The following CCDC178 variants were observed in gnomAD, a reference collection of about 807,000 sequenced individuals.
CCDC178 encodes coiled-coil domain-containing protein 178.
Under a neutral mutation model 117.4 loss-of-function variants are expected in CCDC178, and 126 were observed. That is an observed-to-expected ratio of 1.07 (90% CI 0.93 to 1.24). CCDC178 has a LOEUF of 1.24. CCDC178 is among the 50% of genes most tolerant of loss of function. The probability of loss-of-function intolerance (pLI) is 0.00; values close to 1 mark genes in which losing one functional copy is unlikely to be tolerated. For missense variants in CCDC178, 1,030 were observed against 986.9 expected (o/e 1.04, Z -0.59); for synonymous variants, 283 against 313.4 (o/e 0.90, Z 1.02).
chr18:33,364,424 A>T (rs796922053), intron 6 of CCDC178, among the ~76,000 whole-genome samples: 18 of 152,218 alleles, frequency 1.2e-4, no homozygotes, highest in African/African-American at 4.3e-4. Flanking sequence ...TCAGATGCTA[A>T]GTGGAATGGA....
At chr18:33,017,218 TA>T (rs1259379636) in intron 21 of CCDC178, among the ~76,000 whole-genome samples, 6 of 151,526 alleles carry the variant, frequency 4.0e-5, no homozygotes, top group Admixed American at 1.3e-4. Flanking sequence ...AAAAAATCAG[TA>T]AAAAAATATT....
intron 20 of CCDC178, among the ~76,000 whole-genome samples, chr18:33,187,978 A>C (rs1163858052): frequency 6.6e-6 from 1 of 152,140 alleles, no homozygotes; most frequent in Non-Finnish European, 1.5e-5. Context: ...GCTTTGCAAA[A>C]TACAATGGGG....
At position 33,131,432 on chromosome 18, in the gene CCDC178, T is replaced by A. The variant is rs1316847000; in HGVS notation, c.2239-38522A>T. Among the ~76,000 whole-genome samples the A allele has an allele frequency of 2.6e-5, 4 of 151,614 alleles. No homozygotes were observed. The East Asian group carries it at 7.7e-4, about 29-fold the overall frequency. On this transcript the variant is annotated intron_variant, in intron 20 of 22. Transcript: ENST00000383096. ...AACAGAACTATGAAAGTAACAAAAT[T>A]CAGAACAATAAAAGTGACAATTTCA...
intron 8 of CCDC178, among the ~76,000 whole-genome samples, chr18:33,347,434 G>C (rs900505719): frequency 2.0e-5 from 3 of 152,114 alleles, no homozygotes; most frequent in African/African-American, 7.2e-5. Flanking sequence ...AATCCAGCAT[G>C]CTGCCTCAGA....
At chr18:33,313,285 A>G (rs2062367701) in intron 11 of CCDC178, among the ~76,000 whole-genome samples, 1 of 152,234 alleles carries the variant, frequency 6.6e-6, no homozygotes, top group Non-Finnish European at 1.5e-5. Flanking sequence ...AAACCAGCCC[A>G]GGTGGAAGCA....
chr18:32,939,185 T>C (rs1189950879), intron 22 of CCDC178, among the ~76,000 whole-genome samples: 1 of 152,168 alleles, frequency 6.6e-6, no homozygotes, highest in Non-Finnish European at 1.5e-5. Flanking sequence ...AATAGTCTTA[T>C]GAAAACTAAG....
chr18:32,945,635 G>A (rs2054329365), intron 22 of CCDC178, among the ~76,000 whole-genome samples: 1 of 152,172 alleles, frequency 6.6e-6, no homozygotes, highest in East Asian at 1.9e-4. Flanking sequence ...ACATATTGAA[G>A]CACTTAAGAG....
chr18:33,084,798 G>A (rs954966952), intron 21 of CCDC178, among the ~76,000 whole-genome samples: 14 of 149,094 alleles, frequency 9.4e-5, no homozygotes, highest in African/African-American at 2.8e-4. Flanking sequence ...GCAACAGTGC[G>A]AGGCCCCGTC....
chr18:33,404,729 T>C (rs192521350), intron 3 of CCDC178, among the ~76,000 whole-genome samples: 53 of 152,216 alleles, frequency 3.5e-4, no homozygotes, highest in African/African-American at 1.3e-3. Context: ...TACTGATGAA[T>C]GTATAAACAA....
chr18:33,420,149 G>A lies in CCDC178; in HGVS notation c.-22-8039C>T, dbSNP rs150109215. On this transcript the variant is annotated intron_variant, in intron 2 of 22. Coordinates refer to ENST00000383096, the MANE Select transcript of CCDC178 (RefSeq NM_001105528.4). ...GAGATCATGTCCTTTGCAGCCACAT[G>A]GATGGAGCTGGAGACTGTTAAATCT... Among the ~76,000 whole-genome samples the A allele has an allele frequency of 1.9e-3, 283 of 152,164 alleles. 2 individuals carry two copies. Among genetic ancestry groups the A allele is most frequent in the African/African-American group, 6.6e-3 (275 of 41,514 alleles).
At chr18:33,044,340 A>G (rs2056604086) in intron 21 of CCDC178, among the ~76,000 whole-genome samples, 1 of 152,094 alleles carries the variant, frequency 6.6e-6, no homozygotes, top group African/African-American at 2.4e-5. Flanking sequence ...CTACAGCTTC[A>G]ATGCAATCTT....
At chr18:33,197,763 G>T (rs1281641422) in intron 20 of CCDC178, among the ~76,000 whole-genome samples, 1 of 152,132 alleles carries the variant, frequency 6.6e-6, no homozygotes, top group Non-Finnish European at 1.5e-5. Flanking sequence ...ATAATGCAGA[G>T]ATTTGAATCA....
At chr18:32,978,032 C>T (rs191850625) in intron 21 of CCDC178, among the ~76,000 whole-genome samples, 3 of 151,994 alleles carry the variant, frequency 2.0e-5, no homozygotes, top group Non-Finnish European at 4.4e-5. Flanking sequence ...AGCCACAAGT[C>T]AAATGAGGAG....
intron 2 of CCDC178, among the ~76,000 whole-genome samples, chr18:33,424,778 T>C (rs1053817104): frequency 6.6e-6 from 1 of 152,102 alleles, no homozygotes; most frequent in Non-Finnish European, 1.5e-5. Flanking sequence ...TAGGACAGTG[T>C]GAGAAAGCTG....
chr18:33,181,982 A>G (rs1271722672), intron 20 of CCDC178, among the ~76,000 whole-genome samples: 2 of 151,912 alleles, frequency 1.3e-5, no homozygotes, highest in Non-Finnish European at 2.9e-5. Flanking sequence ...TTATACCACA[A>G]TAAAAAATCC....
chr18:33,299,262 C>T (rs1420865733), intron 11 of CCDC178, among the ~76,000 whole-genome samples: 1 of 152,008 alleles, frequency 6.6e-6, no homozygotes, highest in East Asian at 1.9e-4. Context: ...ATACATAGAC[C>T]AACTAAACAA....
intron 21 of CCDC178, among the ~76,000 whole-genome samples, chr18:33,054,120 T>A (rs1336671683): frequency 6.6e-6 from 1 of 152,180 alleles, no homozygotes; most frequent in African/African-American, 2.4e-5. Context: ...TTTCCTATAA[T>A]TATTAATACT....
chr18:33,217,003 G>A (rs1197187812), intron 18 of CCDC178, among the ~76,000 whole-genome samples: 1 of 151,988 alleles, frequency 6.6e-6, no homozygotes, highest in Non-Finnish European at 1.5e-5. Flanking sequence ...AGTCTTAGCT[G>A]AAGAGTCTCC....
rs199513871 is a variant in CCDC178, at chr18:33,245,245, C to T, written c.1593G>A (p.Lys531=). Reference sequence around the variant, plus strand: ...TAAGAGGAACACAAAGATACACAACCTTGAACTTTCTTCTCACTTCTGCTA... The same window carrying T: ...TAAGAGGAACACAAAGATACACAACTTTGAACTTTCTTCTCACTTCTGCTA... ...DKIAEVRRKF[K]GREEFLKKLT... The change falls in exon 15 of 23, where the codon AAG becomes AAA. Residue 531 remains lysine (K), a splice_region_variant and synonymous_variant. Transcript: ENST00000383096. The T allele has an allele frequency of 2.5e-6, 4 of 1,579,206 alleles. No individual in the cohort carries two copies. The highest frequency in any genetic ancestry group is 3.7e-5 in the Admixed American group (2 of 54,030).
Sources: gnomAD v4.1 joint callset for allele counts (sites outside exome capture counted in the v4.1 genomes callset) on GRCh38, gnomAD v4.1.1 for gene constraint, MANE v1.5 for transcripts, NCBI Gene and HGNC (gene_info 2026-07-23, HGNC 2026-07-21) for gene names.